The following PAPSS2 variants were observed in gnomAD, a reference collection of about 807,000 sequenced individuals.
PAPSS2 encodes the protein bifunctional 3'-phosphoadenosine 5'-phosphosulfate synthase 2.
A neutral mutation model predicts 66.5 loss-of-function variants in PAPSS2; 61 were observed. The observed-to-expected ratio is 0.92, with a 90% CI of 0.75 to 1.14. The LOEUF (loss-of-function observed/expected upper bound fraction) is 1.14. PAPSS2 is among the 50% of genes most tolerant of loss of function. PAPSS2 has a pLI of 0.00. For synonymous variants in PAPSS2, 289 were observed against 287.5 expected, an observed-to-expected ratio of 1.01 and a Z score of -0.05; for missense variants, 708 against 789.6, an observed-to-expected ratio of 0.90 and a Z score of 1.24.
At chr10:87,668,098 C>T (rs189166578) in intron 1 of PAPSS2, among the ~76,000 whole-genome samples, 128 of 152,312 alleles carry the variant, frequency 8.4e-4, no homozygotes, top group Non-Finnish European at 1.5e-3. Flanking sequence ...ACACCCTCCT[C>T]CAGTCATTAT....
chr10:87,730,533 G>A (rs1426802254), intron 9 of PAPSS2, among the ~76,000 whole-genome samples: 2 of 152,138 alleles, frequency 1.3e-5, no homozygotes, highest in African/African-American at 4.8e-5. Flanking sequence ...GCAAGAGAAG[G>A]CCCTTAGAGA....
chr10:87,701,346 TTC>T (rs1853308055), intron 1 of PAPSS2, among the ~76,000 whole-genome samples: 1 of 102,724 alleles, frequency 9.7e-6, no homozygotes, highest in Admixed American at 1.2e-4. Context: ...CTTTCTTTCT[TTC>T]TTTCTTTCTT....
At chr10:87,660,446 G>A (rs751315423) in intron 1 of PAPSS2, 1 of 235,444 alleles carries the variant, frequency 4.2e-6, no homozygotes, top group Non-Finnish European at 8.3e-6. Flanking sequence ...CTTCCTTGGA[G>A]TGGGCTTTAA....
intron 1 of PAPSS2, among the ~76,000 whole-genome samples, chr10:87,694,726 G>A (rs1272237365): frequency 6.6e-6 from 1 of 152,212 alleles, no homozygotes; most frequent in Non-Finnish European, 1.5e-5. Flanking sequence ...TTTATAGGAA[G>A]TGATTACAAG....
At chr10:87,720,723 T>C (rs994653163) in intron 7 of PAPSS2, among the ~76,000 whole-genome samples, 2 of 146,032 alleles carry the variant, frequency 1.4e-5, no homozygotes, top group Non-Finnish European at 3.0e-5. Context: ...AAAATAGTTC[T>C]GTCTACTCAG....
chr10:87,665,115 C>T (rs960393767), intron 1 of PAPSS2, among the ~76,000 whole-genome samples: 2 of 152,126 alleles, frequency 1.3e-5, no homozygotes, highest in South Asian at 2.1e-4. Context: ...TTCCTTCAGG[C>T]CTAGGATGAA....
intron 1 of PAPSS2, among the ~76,000 whole-genome samples, chr10:87,702,158 G>A (rs952429426): frequency 6.6e-6 from 1 of 152,218 alleles, no homozygotes; most frequent in African/African-American, 2.4e-5. Flanking sequence ...TTACATTATA[G>A]TGTAGTATGA....
chr10:87,730,538 T>TA (rs1334006989), intron 9 of PAPSS2, among the ~76,000 whole-genome samples: 1 of 152,206 alleles, frequency 6.6e-6, no homozygotes, highest in Non-Finnish European at 1.5e-5. Context: ...AGAAGGCCCT[T>TA]AGAGAAAGCC....
chr10:87,667,525 C>T (rs1490231341), intron 1 of PAPSS2, among the ~76,000 whole-genome samples: 2 of 152,132 alleles, frequency 1.3e-5, no homozygotes, highest in East Asian at 3.9e-4. Context: ...TACAAAAGAG[C>T]CACTGTATTA....
intron 1 of PAPSS2, among the ~76,000 whole-genome samples, chr10:87,674,775 C>T (rs938791878): frequency 3.9e-5 from 6 of 152,078 alleles, no homozygotes; most frequent in Non-Finnish European, 7.4e-5. Flanking sequence ...TATTTATTAC[C>T]GTGCTATAAT....
intron 2 of PAPSS2, among the ~76,000 whole-genome samples, chr10:87,711,959 T>C (rs914295166): frequency 2.0e-5 from 3 of 152,200 alleles, no homozygotes; most frequent in Non-Finnish European, 2.9e-5. Flanking sequence ...GACCCATTTT[T>C]TTTTTTAGAG....
In PAPSS2 at chr10:87,733,295, T is replaced by C. The variant is rs1301066199; in HGVS notation, c.1086+5806T>C. Among the ~76,000 whole-genome samples the C allele has an allele frequency of 2.6e-5, 4 of 152,324 alleles. No homozygotes were observed. In the East Asian group the frequency reaches 7.7e-4, roughly 29 times the overall value. ...CAGCCCTCTCTTTGGCATCACTAAG[T>C]ATAGAACCGTGTGACATGCGCTCAA... On this transcript the variant is annotated intron_variant, in intron 9 of 12. Coordinates refer to ENST00000456849, the MANE Select transcript of PAPSS2 (RefSeq NM_001015880.2).
At chr10:87,708,353 T>A (rs1213930942) in intron 1 of PAPSS2, among the ~76,000 whole-genome samples, 3 of 152,226 alleles carry the variant, frequency 2.0e-5, no homozygotes, top group Non-Finnish European at 4.4e-5. Flanking sequence ...GTGGAAACAG[T>A]TTAGTTCTTG....
At chr10:87,736,812 G>A (rs1266929242) in intron 9 of PAPSS2, among the ~76,000 whole-genome samples, 1 of 152,200 alleles carries the variant, frequency 6.6e-6, no homozygotes, top group Non-Finnish European at 1.5e-5. Flanking sequence ...GGTAGTGTGT[G>A]GAGAGTTGGC....
chr10:87,726,101 C>A (rs1853656380), intron 8 of PAPSS2, among the ~76,000 whole-genome samples: 1 of 152,120 alleles, frequency 6.6e-6, no homozygotes, highest in African/African-American at 2.4e-5. Flanking sequence ...TGAATAAGAT[C>A]TAGTATTTGA....
chr10:87,695,338 G>T (rs1251660180), intron 1 of PAPSS2, among the ~76,000 whole-genome samples: 1 of 152,132 alleles, frequency 6.6e-6, no homozygotes, highest in Admixed American at 6.5e-5. Flanking sequence ...CTAATTACCT[G>T]CCAAAGGCCC....
chr10:87,672,033 C>T (rs766246663), intron 1 of PAPSS2, among the ~76,000 whole-genome samples: 1 of 152,188 alleles, frequency 6.6e-6, no homozygotes, highest in Admixed American at 6.5e-5. Context: ...CTCATCAAGA[C>T]TTATTCATAC....
intron 1 of PAPSS2, among the ~76,000 whole-genome samples, chr10:87,706,818 A>G (rs969072205): frequency 2.6e-5 from 4 of 152,142 alleles, no homozygotes; most frequent in African/African-American, 9.7e-5. Flanking sequence ...TTGTTCACCC[A>G]GGGGAGATAC....
intron 1 of PAPSS2, among the ~76,000 whole-genome samples, chr10:87,698,084 G>C (rs963175577): frequency 6.6e-6 from 1 of 152,178 alleles, no homozygotes; most frequent in Non-Finnish European, 1.5e-5. Context: ...AAAAGATGCC[G>C]TAAGTATGAC....
Sources: allele counts gnomAD v4.1 joint callset (sites outside exome capture counted in the v4.1 genomes callset), GRCh38; gene constraint gnomAD v4.1.1; transcripts MANE v1.5; gene names NCBI Gene and HGNC (gene_info 2026-07-23, HGNC 2026-07-21).